JAZF1: variants seen among roughly 807,000 people sequenced by gnomAD.
JAZF1 encodes juxtaposed with another zinc finger protein 1.
JAZF1 carries 8 observed loss-of-function variants against 26.4 expected under a neutral mutation model. The ratio of observed to expected loss-of-function variants is 0.30; its 90% CI spans 0.18 to 0.55. The LOEUF (loss-of-function observed/expected upper bound fraction) is 0.55, where lower values mean the gene tolerates loss of function less well. Among genes scored for constraint, JAZF1 ranks in the 20% least tolerant of loss-of-function variants. The pLI, the probability that JAZF1 is intolerant of heterozygous loss-of-function variation, is 0.94. For missense variants in JAZF1, 199 were observed against 322.0 expected, an observed-to-expected ratio of 0.62 and a Z score of 2.92; for synonymous variants, 126 against 122.3, an observed-to-expected ratio of 1.03 and a Z score of -0.20.
chr7:28,053,092 G>T (rs945541861), intron 1 of JAZF1, among the ~76,000 whole-genome samples: 3 of 152,144 alleles, frequency 2.0e-5, no homozygotes, highest in African/African-American at 7.2e-5. Context: ...TTTTGAGACT[G>T]ACTTATTTTG....
intron 1 of JAZF1, among the ~76,000 whole-genome samples, chr7:28,029,130 T>C (rs2128374560): frequency 6.6e-6 from 1 of 152,278 alleles, no homozygotes; most frequent in East Asian, 1.9e-4. Flanking sequence ...TTCAAGGGAC[T>C]GCGCCGAATG....
At chr7:27,974,372 C>T (rs1472879822) in intron 2 of JAZF1, among the ~76,000 whole-genome samples, 2 of 152,158 alleles carry the variant, frequency 1.3e-5, no homozygotes, top group Non-Finnish European at 2.9e-5. Flanking sequence ...CAGGACAGAA[C>T]AAACTAATGG....
At chr7:28,159,560 T>A (rs1301939358) in intron 1 of JAZF1, among the ~76,000 whole-genome samples, 1 of 151,922 alleles carries the variant, frequency 6.6e-6, no homozygotes. Flanking sequence ...TTTGTTGGAA[T>A]GGAGAGCCTT....
chr7:28,054,357 T>C (rs907338713), intron 1 of JAZF1, among the ~76,000 whole-genome samples: 1 of 152,200 alleles, frequency 6.6e-6, no homozygotes, highest in South Asian at 2.1e-4. Flanking sequence ...TTATAACAAC[T>C]GATACATGGA....
At chr7:27,980,315 A>C (rs528372821) in intron 2 of JAZF1, among the ~76,000 whole-genome samples, 30 of 152,274 alleles carry the variant, frequency 2.0e-4, no homozygotes, top group Admixed American at 2.6e-4. Context: ...TGGACGCAAA[A>C]TCCAAAATCT....
chr7:27,937,286 T>G (rs1440988469), intron 2 of JAZF1, among the ~76,000 whole-genome samples: 1 of 152,220 alleles, frequency 6.6e-6, no homozygotes, highest in Non-Finnish European at 1.5e-5. Context: ...ATACAGGGTC[T>G]GAAACCTCCC....
At chr7:28,078,857 G>C (rs1010954724) in intron 1 of JAZF1, among the ~76,000 whole-genome samples, 3 of 152,044 alleles carry the variant, frequency 2.0e-5, no homozygotes, top group Non-Finnish European at 2.9e-5. Context: ...AAAAATTGTA[G>C]GAACAAAAAG....
At chr7:27,892,299 A>C (rs888082334) in intron 3 of JAZF1, among the ~76,000 whole-genome samples, 1 of 152,258 alleles carries the variant, frequency 6.6e-6, no homozygotes, top group East Asian at 1.9e-4. Flanking sequence ...TGAAAATGAT[A>C]CATCTTTACC....
intron 1 of JAZF1, among the ~76,000 whole-genome samples, chr7:27,994,148 T>C (rs994782564): frequency 6.6e-6 from 1 of 152,224 alleles, no homozygotes; most frequent in Non-Finnish European, 1.5e-5. Flanking sequence ...CTTCAAGCTC[T>C]AGAATCTCTT....
intron 1 of JAZF1, among the ~76,000 whole-genome samples, chr7:28,015,102 G>T (rs1444023078): frequency 2.6e-5 from 4 of 151,512 alleles, no homozygotes; most frequent in Admixed American, 1.3e-4. Context: ...ATTTTAACAA[G>T]TCCCATGCTA....
intron 1 of JAZF1, among the ~76,000 whole-genome samples, chr7:28,024,131 AT>A (rs1487626253): frequency 9.4e-4 from 143 of 151,870 alleles, no homozygotes; most frequent in African/African-American, 3.3e-3. Flanking sequence ...AAAAAAAAAA[AT>A]AAAATAAAAA....
At chr7:28,036,986 C>T (rs1213996518) in intron 1 of JAZF1, among the ~76,000 whole-genome samples, 2 of 152,132 alleles carry the variant, frequency 1.3e-5, no homozygotes, top group Admixed American at 1.3e-4. Context: ...TTCAGTGGCC[C>T]AGTTTACTTT....
At chr7:27,835,685 T>TTA (rs1295971046) in intron 4 of JAZF1, among the ~76,000 whole-genome samples, 2 of 149,754 alleles carry the variant, frequency 1.3e-5, no homozygotes, top group African/African-American at 5.1e-5. Flanking sequence ...GAGACTCTAT[T>TTA]AAGACATTTC....
At chr7:28,165,967 T>C (rs1046056737) in intron 1 of JAZF1, among the ~76,000 whole-genome samples, 1 of 152,138 alleles carries the variant, frequency 6.6e-6, no homozygotes. Context: ...ACGCATAAAT[T>C]GGGTGTTTGA....
chr7:27,866,100 A>G (rs1458177115), intron 3 of JAZF1, among the ~76,000 whole-genome samples: 1 of 152,252 alleles, frequency 6.6e-6, no homozygotes, highest in East Asian at 1.9e-4. Context: ...GCTCGTCTTC[A>G]TCGAGTGAGG....
At chr7:27,902,845 T>C (rs1318376819) in intron 2 of JAZF1, among the ~76,000 whole-genome samples, 2 of 151,750 alleles carry the variant, frequency 1.3e-5, no homozygotes, top group African/African-American at 4.8e-5. Context: ...TGAAACCCCA[T>C]CTCTACTAAA....
intron 3 of JAZF1, among the ~76,000 whole-genome samples, chr7:27,857,890 C>T (rs890351204): frequency 7.2e-5 from 11 of 152,068 alleles, no homozygotes; most frequent in African/African-American, 1.4e-4. Flanking sequence ...TTGGAAGTTC[C>T]GGCCAGGGCA....
chr7:27,871,639 C>CT (rs1783583573), intron 3 of JAZF1, among the ~76,000 whole-genome samples: 1 of 152,150 alleles, frequency 6.6e-6, no homozygotes, highest in African/African-American at 2.4e-5. Flanking sequence ...TTTCAAACTG[C>CT]TTCAGGGGCA....
intron 2 of JAZF1, among the ~76,000 whole-genome samples, chr7:27,937,716 T>C (rs908778033): frequency 1.3e-4 from 20 of 152,370 alleles, no homozygotes; most frequent in African/African-American, 4.6e-4. Context: ...AAAAGCTTTA[T>C]ATTCCATTAG....
Sources: gnomAD v4.1 joint callset for allele counts (sites outside exome capture counted in the v4.1 genomes callset) on GRCh38, gnomAD v4.1.1 for gene constraint, MANE v1.5 for transcripts, NCBI Gene and HGNC (gene_info 2026-07-23, HGNC 2026-07-21) for gene names.